Variants in DMD observed in about 807,000 individuals in gnomAD.
The protein encoded by DMD is dystrophin, also known as mutant dystrophin.
In DMD, 63 loss-of-function variants were observed where a neutral mutation model predicts 330.1. The observed-to-expected ratio is 0.19, with a 90% CI of 0.16 to 0.24. The LOEUF is 0.24. Among genes scored for constraint, DMD ranks in the 10% least tolerant of loss-of-function variants. The probability of loss-of-function intolerance (pLI) is 1.00; values close to 1 mark genes in which losing one functional copy is unlikely to be tolerated. For synonymous variants in DMD, 1,223 were observed against 959.8 expected, an observed-to-expected ratio of 1.27 and a Z score of -5.07; for missense variants, 3,344 against 2,684.1, an observed-to-expected ratio of 1.25 and a Z score of -5.43.
rs868591891 is a variant in DMD, at chrX:31,120,865, G to T, written c.*1054C>A. The T allele has an allele frequency of 5.5e-5, 5 of 91,294 alleles. No individual in the cohort carries two copies. Among genetic ancestry groups the T allele is most frequent in the Non-Finnish European group, 1.0e-4 (5 of 49,383 alleles). The allele number at this position is 91,294 out of a possible 1,213,427, so 7.5% of individuals were successfully genotyped here. A position where few individuals can be genotyped will look rare whatever the true frequency, so the allele number is the denominator to read the frequency against. On this transcript the variant is annotated 3_prime_UTR_variant, in exon 79 of 79. Coordinates refer to ENST00000357033, the MANE Select transcript of DMD (RefSeq NM_004006.3). ...CATTGCTAGCAGCAGGAAGCTGAATGTATCAATCAATCAATCAATCAACCA... is the reference window on the plus strand; with the variant it reads ...CATTGCTAGCAGCAGGAAGCTGAATTTATCAATCAATCAATCAATCAACCA...
chrX:33,118,112 CTTT>C (rs373799098), intron 1 of DMD, among the ~76,000 whole-genome samples: 1 of 90,416 alleles, frequency 1.1e-5, no homozygotes. Flanking sequence ...GTTCAAGACT[CTTT>C]TTTTTTTTTT....
At chrX:32,908,544 G>A (rs2086918661) in intron 2 of DMD, among the ~76,000 whole-genome samples, 1 of 111,781 alleles carries the variant, frequency 8.9e-6, no homozygotes, top group African/African-American at 3.2e-5. Context: ...TCGTCATATT[G>A]GTGAATTTAA....
chrX:33,007,456 T>TA (rs1412277730), intron 2 of DMD, among the ~76,000 whole-genome samples: 1 of 111,475 alleles, frequency 9.0e-6, no homozygotes, highest in African/African-American at 3.3e-5. Context: ...ACCCACTACA[T>TA]AAAATGGCAA....
intron 62 of DMD, among the ~76,000 whole-genome samples, chrX:31,294,386 A>G (rs191925263): frequency 8.9e-6 from 1 of 112,443 alleles, no homozygotes; most frequent in East Asian, 2.8e-4. Context: ...GGGGCTATCT[A>G]TAAGTTATCT....
chrX:32,485,846 C>G (rs138274044), intron 20 of DMD, among the ~76,000 whole-genome samples: 1 of 101,613 alleles, frequency 9.8e-6, no homozygotes, highest in African/African-American at 3.6e-5. Flanking sequence ...CAGGTTCAAG[C>G]GATTCTTCTG....
At chrX:33,302,808 G>C (rs1257934427) in intron 1 of DMD, among the ~76,000 whole-genome samples, 2 of 111,183 alleles carry the variant, frequency 1.8e-5, no homozygotes, top group African/African-American at 6.5e-5. Flanking sequence ...AAGAGTAAAG[G>C]TTCATTCTTG....
chrX:31,952,280 T>G (rs2095192036), intron 45 of DMD, among the ~76,000 whole-genome samples: 1 of 111,663 alleles, frequency 9.0e-6, no homozygotes, highest in African/African-American at 3.2e-5. Flanking sequence ...TTCAAATAAT[T>G]TTTCTGCCTC....
intron 7 of DMD, among the ~76,000 whole-genome samples, chrX:32,724,156 A>C (rs926080003): frequency 3.6e-5 from 4 of 112,414 alleles, no homozygotes; most frequent in Non-Finnish European, 7.5e-5. Context: ...CCTTTCAAAA[A>C]ATTGGTCCAA....
At chrX:32,647,786 T>C (rs779163139) in intron 9 of DMD, among the ~76,000 whole-genome samples, 8 of 112,314 alleles carry the variant, frequency 7.1e-5, no homozygotes, top group Non-Finnish European at 1.3e-4. Flanking sequence ...TTCCTCTGCA[T>C]ATATAAGAAG....
rs1603448136 is a variant in DMD at position 31,690,342 on chromosome X, T to C, written c.7661-10756A>G. Among the ~76,000 whole-genome samples, 5 of 111,571 alleles carry C rather than the reference T, an allele frequency of 4.5e-5. No individual in the cohort carries two copies. In the Middle Eastern group the frequency reaches 0.023, roughly 512 times the overall value. On this transcript the variant is annotated intron_variant, in intron 52 of 78. Coordinates refer to ENST00000357033, the MANE Select transcript of DMD (RefSeq NM_004006.3). ...CAGACACTTCTCAAAAGAAGACATT[T>C]ATGCAGCCAAAAGACACATGAAAAA...
intron 57 of DMD, among the ~76,000 whole-genome samples, chrX:31,491,193 T>C (rs1372169208): frequency 8.9e-6 from 1 of 112,220 alleles, no homozygotes; most frequent in Admixed American, 9.4e-5. Context: ...AGTCATTACC[T>C]ACACTGTTGT....
upstream of DMD, among the ~76,000 whole-genome samples, chrX:33,212,602 G>A (rs186317495): frequency 2.4e-3 from 272 of 111,398 alleles, no homozygotes; most frequent in African/African-American, 5.5e-3. Flanking sequence ...AACTGCTTGC[G>A]ACTGCAATGA....
chrX:32,466,831 CA>C (rs1401617136), intron 23 of DMD, among the ~76,000 whole-genome samples: 1 of 111,924 alleles, frequency 8.9e-6, no homozygotes, highest in Non-Finnish European at 1.9e-5. Context: ...CCAAAACAGA[CA>C]AAGTCCTGCT....
At chrX:31,934,478 A>AT (rs1312501433) in intron 45 of DMD, among the ~76,000 whole-genome samples, 4 of 111,095 alleles carry the variant, frequency 3.6e-5, no homozygotes, top group Non-Finnish European at 7.6e-5. Context: ...ATTGTTTTTA[A>AT]TTTTTGTAGG....
chrX:33,210,688 G>C (rs1470999305), intron 1 of DMD, among the ~76,000 whole-genome samples: 6 of 111,466 alleles, frequency 5.4e-5, no homozygotes, highest in African/African-American at 1.9e-4. Flanking sequence ...CTACAGAAAA[G>C]AGCATTTGAA....
chrX:32,649,088 A>G (rs1247368446), intron 9 of DMD, among the ~76,000 whole-genome samples: 2 of 110,315 alleles, frequency 1.8e-5, no homozygotes, highest in Non-Finnish European at 3.8e-5. Flanking sequence ...GAGAGGCATG[A>G]CAGTGAATGG....
chrX:32,719,408 G>A, intron 7 of DMD, among the ~76,000 whole-genome samples: 1 of 111,107 alleles, frequency 9.0e-6, no homozygotes, highest in Non-Finnish European at 1.9e-5. Context: ...GTGAGTGTAG[G>A]GTGATGAAGA....
At chrX:32,579,742 T>C (rs2053450788) in intron 13 of DMD, among the ~76,000 whole-genome samples, 1 of 113,030 alleles carries the variant, frequency 8.8e-6, no homozygotes, top group Non-Finnish European at 1.9e-5. Context: ...CAGCAAATAC[T>C]TGCACTTCCA....
At chrX:31,646,669 T>A (rs752566841) in intron 54 of DMD, among the ~76,000 whole-genome samples, 6 of 111,552 alleles carry the variant, frequency 5.4e-5, no homozygotes, top group Non-Finnish European at 1.1e-4. Flanking sequence ...CCTTCAGCTG[T>A]AGGTAACAAT....
Sources: allele counts gnomAD v4.1 joint callset (sites outside exome capture counted in the v4.1 genomes callset), GRCh38; gene constraint gnomAD v4.1.1; transcripts MANE v1.5; gene names NCBI Gene and HGNC (gene_info 2026-07-23, HGNC 2026-07-21).